Variants in LOC128462377 observed in about 807,000 individuals in gnomAD.
At chr16:89,358,362 G>A in the LOC128462377 span, among the ~76,000 whole-genome samples, 1 of 152,196 alleles carries the variant, frequency 6.6e-6, no homozygotes, top group Non-Finnish European at 1.5e-5. Context: ...CAGCTTCCAC[G>A]TTTGCAAACA....
the LOC128462377 span, among the ~76,000 whole-genome samples, chr16:89,357,613 G>A: frequency 6.9e-4 from 105 of 152,332 alleles, no homozygotes; most frequent in Non-Finnish European, 1.1e-3. Flanking sequence ...CAGCAAACCC[G>A]AGTGTCCCCT....
At chr16:89,356,955 T>C in the LOC128462377 span, among the ~76,000 whole-genome samples, 525 of 152,332 alleles carry the variant, frequency 3.4e-3, no homozygotes, top group Non-Finnish European at 6.3e-3. Flanking sequence ...AGCTCCCAAG[T>C]GACCTGTGAC....
the LOC128462377 span, among the ~76,000 whole-genome samples, chr16:89,385,178 G>C: frequency 6.8e-6 from 1 of 146,450 alleles, no homozygotes; most frequent in Non-Finnish European, 1.5e-5. Flanking sequence ...ACCCGGCCTT[G>C]AGAAATGGTG....
chr16:89,335,820 G>A, the LOC128462377 span, among the ~76,000 whole-genome samples: 1 of 152,186 alleles, frequency 6.6e-6, no homozygotes, highest in Non-Finnish European at 1.5e-5. Flanking sequence ...TTGACCCAGA[G>A]AGTACCTGTG....
At chr16:89,363,283 T>G in the LOC128462377 span, among the ~76,000 whole-genome samples, 11 of 152,172 alleles carry the variant, frequency 7.2e-5, no homozygotes, top group African/African-American at 2.2e-4. Flanking sequence ...AAATTCACCC[T>G]GTATTTGACG....
At chr16:89,334,315 T>C in the LOC128462377 span, among the ~76,000 whole-genome samples, 6 of 151,972 alleles carry the variant, frequency 3.9e-5, no homozygotes, top group African/African-American at 1.5e-4. Flanking sequence ...GTACTGCCAA[T>C]ACGGCCAAGT....
the LOC128462377 span, among the ~76,000 whole-genome samples, chr16:89,378,482 ACCT>A: frequency 1.3e-5 from 2 of 152,136 alleles, no homozygotes; most frequent in East Asian, 3.8e-4. Context: ...AACCACAAAA[ACCT>A]CCTCAGAAAA....
chr16:89,348,079 G>A, the LOC128462377 span, among the ~76,000 whole-genome samples: 758 of 151,952 alleles, frequency 5.0e-3, 5 homozygotes, highest in African/African-American at 0.018. Flanking sequence ...GACTACAGGC[G>A]CGCCACCCTG....
the LOC128462377 span, among the ~76,000 whole-genome samples, chr16:89,335,234 C>T: frequency 5.3e-5 from 8 of 152,144 alleles, no homozygotes; most frequent in South Asian, 4.1e-4. Context: ...GGCTGGGAGA[C>T]GCGGGTGACA....
the LOC128462377 span, among the ~76,000 whole-genome samples, chr16:89,394,659 G>A: frequency 6.6e-6 from 1 of 151,412 alleles, no homozygotes; most frequent in African/African-American, 2.4e-5. Flanking sequence ...ACCTTTTGTG[G>A]AAAAACGAGT....
At chr16:89,389,100 C>G in the LOC128462377 span, among the ~76,000 whole-genome samples, 4 of 152,064 alleles carry the variant, frequency 2.6e-5, no homozygotes, top group Non-Finnish European at 5.9e-5. Context: ...TGCAGTGGTA[C>G]GACAGCCTCC....
the LOC128462377 span, among the ~76,000 whole-genome samples, chr16:89,334,830 C>T: frequency 6.6e-6 from 1 of 152,156 alleles, no homozygotes; most frequent in Non-Finnish European, 1.5e-5. Flanking sequence ...GCCCACAACA[C>T]ACGGGGCGCA....
chr16:89,344,051 C>T, the LOC128462377 span, among the ~76,000 whole-genome samples: 6 of 152,186 alleles, frequency 3.9e-5, no homozygotes, highest in Non-Finnish European at 5.9e-5. Flanking sequence ...CCGGCCCCGC[C>T]CCTCCTGCTC....
chr16:89,330,972 G>A, the LOC128462377 span, among the ~76,000 whole-genome samples: 2 of 152,098 alleles, frequency 1.3e-5, no homozygotes, highest in Non-Finnish European at 2.9e-5. Context: ...CCTTTTTCTT[G>A]AGACGGAGTC....
At chr16:89,405,150 C>A in the LOC128462377 span, among the ~76,000 whole-genome samples, 1 of 152,012 alleles carries the variant, frequency 6.6e-6, no homozygotes, top group African/African-American at 2.4e-5. Context: ...GTGGAGATCA[C>A]GCCATTGCAC....
chr16:89,327,114 A>G, the LOC128462377 span, among the ~76,000 whole-genome samples: 1,363 of 79,644 alleles, frequency 0.017, 21 homozygotes, highest in African/African-American at 0.062. Flanking sequence ...CAGAGGTTGG[A>G]AATGCAGAGG....
the LOC128462377 span, among the ~76,000 whole-genome samples, chr16:89,339,389 AC>A: frequency 1.3e-5 from 2 of 152,312 alleles, no homozygotes; most frequent in South Asian, 4.1e-4. Context: ...ACAAAGAGAA[AC>A]CAAGAACTGG....
the LOC128462377 span, among the ~76,000 whole-genome samples, chr16:89,375,646 G>A: frequency 1.3e-5 from 2 of 151,882 alleles, no homozygotes; most frequent in African/African-American, 4.8e-5. Flanking sequence ...TAGAGACAGG[G>A]GTTTCACCAT....
the LOC128462377 span, chr16:89,317,064 A>T: frequency 3.2e-6 from 5 of 1,582,138 alleles, no homozygotes; most frequent in Admixed American, 8.7e-5. Context: ...CCGGCGCTTC[A>T]TCATCAACCG....
Sources: allele counts gnomAD v4.1 joint callset (sites outside exome capture counted in the v4.1 genomes callset), GRCh38; gene constraint gnomAD v4.1.1; transcripts MANE v1.5.